PNPT1: variants seen among roughly 807,000 people sequenced by gnomAD.
PNPT1 encodes polyribonucleotide nucleotidyltransferase 1, mitochondrial.
Under a neutral mutation model 119.5 loss-of-function variants are expected in PNPT1, and 53 were observed. That is an observed-to-expected ratio of 0.44 (90% CI 0.36 to 0.56). PNPT1 has a LOEUF of 0.56. Among genes scored for constraint, PNPT1 ranks in the 20% least tolerant of loss-of-function variants. The pLI is 0.00. For missense variants in PNPT1, 948 were observed against 938.5 expected, an observed-to-expected ratio of 1.01 and a Z score of -0.13; for synonymous variants, 357 against 322.1, an observed-to-expected ratio of 1.11 and a Z score of -1.16.
At chr2:55,654,757 G>C (rs971563107) in intron 18 of PNPT1, 143 bp downstream of exon 18, 1 of 623,964 alleles carries the variant, frequency 1.6e-6, no homozygotes, top group African/African-American at 1.8e-5. Flanking sequence ...AATCTTTTTT[G>C]TAGAGATGAG....
intron 8 of PNPT1, among the ~76,000 whole-genome samples, chr2:55,673,381 T>C (rs1172628405): frequency 2.0e-5 from 3 of 151,758 alleles, no homozygotes; most frequent in Non-Finnish European, 4.4e-5. Flanking sequence ...AAATAAGTTT[T>C]ATTGAGCTAT....
At chr2:55,660,297 T>G (rs1159418990) in intron 14 of PNPT1, 104 bp from the exon 15 acceptor site, 7 of 1,212,880 alleles carry the variant, frequency 5.8e-6, no homozygotes, top group Non-Finnish European at 7.8e-6. Flanking sequence ...AAGAACTAGG[T>G]GTTAATGAAA....
intron 26 of PNPT1, among the ~76,000 whole-genome samples, chr2:55,639,469 A>T (rs1001880087): frequency 6.6e-6 from 1 of 152,214 alleles, no homozygotes; most frequent in Non-Finnish European, 1.5e-5. Flanking sequence ...TCTCTTATAC[A>T]CACTGAGAAT....
intron 8 of PNPT1, 43 bp downstream of exon 8, chr2:55,679,637 TTG>T (rs1559109069): frequency 7.3e-7 from 1 of 1,361,830 alleles, no homozygotes; most frequent in Non-Finnish European, 1.0e-6. Context: ...AAGCCAGAAC[TTG>T]TAAGTAAAAT....
rs186969526 is a variant in PNPT1, at chr2:55,652,148, T to C, written c.1495+2752A>G. 6.6e-5 allele frequency among the ~76,000 whole-genome samples: 10 copies of C among 152,032 alleles called. No homozygotes were observed. The East Asian group carries it at 1.5e-3, about 24-fold the overall frequency. ...CAACAATCACCCTTACACATATTTG[T>C]ATTATTACCTCTTCAATCTATTAGT... is the stretch of plus-strand genomic sequence containing the variant. On this transcript the variant is annotated intron_variant, in intron 18 of 27. Coordinates refer to ENST00000447944, the MANE Select transcript of PNPT1 (RefSeq NM_033109.5).
At chr2:55,669,394 G>A (rs1696836160) in intron 11 of PNPT1, among the ~76,000 whole-genome samples, 1 of 152,076 alleles carries the variant, frequency 6.6e-6, no homozygotes, top group Non-Finnish European at 1.5e-5. Context: ...CATGTGTATG[G>A]TTTATTAAAC....
At chr2:55,679,586 T>TA in intron 8 of PNPT1, 96 bp downstream of exon 8, 1 of 843,928 alleles carries the variant, frequency 1.2e-6, no homozygotes, top group South Asian at 1.7e-5. Flanking sequence ...TTTTTATGGC[T>TA]ACCGACAAAA....
At chr2:55,659,592 G>A (rs1696498399) in intron 15 of PNPT1, among the ~76,000 whole-genome samples, 1 of 151,826 alleles carries the variant, frequency 6.6e-6, no homozygotes, top group East Asian at 1.9e-4. Flanking sequence ...AGAACAGGAA[G>A]TTGTTGATTA....
chr2:55,684,742 G>C (rs1559112329), intron 4 of PNPT1, among the ~76,000 whole-genome samples: 1 of 152,198 alleles, frequency 6.6e-6, no homozygotes, highest in Non-Finnish European at 1.5e-5. Flanking sequence ...ACAGGTACTA[G>C]GGATTCAACC....
At chr2:55,647,536 T>C in intron 18 of PNPT1, 83 bp from the exon 19 acceptor site, 2 of 1,013,290 alleles carry the variant, frequency 2.0e-6, no homozygotes, top group Non-Finnish European at 2.9e-6. Context: ...TTTTTTTTTT[T>C]TGAGAGGGAG....
chr2:55,682,392 C>T lies in PNPT1; in HGVS notation c.453+1393G>A, dbSNP rs1572832724. The stretch of plus-strand genomic sequence containing the variant: ...GGGAGAATGGTTTGAACCTGGGAGG[C>T]AGAGATTGCAGTGAGCCGAGATTGC... On this transcript the variant is annotated intron_variant, in intron 5 of 27. Coordinates refer to ENST00000447944, the MANE Select transcript of PNPT1 (RefSeq NM_033109.5). 2.0e-5 allele frequency among the ~76,000 whole-genome samples: 3 copies of T among 151,712 alleles called. No homozygotes were observed. The East Asian group carries it at 5.8e-4, about 30-fold the overall frequency.
chr2:55,642,722 T>TA (rs1695873512), intron 25 of PNPT1, among the ~76,000 whole-genome samples: 1 of 151,936 alleles, frequency 6.6e-6, no homozygotes. Context: ...TACTATACCT[T>TA]AAAAAATAAT....
At position 55,680,936 on chromosome 2, in the gene PNPT1, A is replaced by T; in HGVS notation, c.454-18T>A. 1 of 1,608,160 alleles carries T rather than the reference A, an allele frequency of 6.2e-7. No homozygotes were observed. Among genetic ancestry groups the T allele is most frequent in the Non-Finnish European group, 8.5e-7 (1 of 1,175,904 alleles). ...CACAGAACCTGGTAAAAGGGAAAAA[A>T]TTTGATTTGGAAGGGTTATCATTTA... On this transcript the variant is annotated intron_variant, in intron 5 of 27. Coordinates refer to ENST00000447944, the MANE Select transcript of PNPT1 (RefSeq NM_033109.5).
intron 1 of PNPT1, among the ~76,000 whole-genome samples, chr2:55,689,465 T>C (rs1263215754): frequency 1.3e-5 from 2 of 152,194 alleles, no homozygotes; most frequent in African/African-American, 4.8e-5. Context: ...CAAATGTCCA[T>C]CAACTGATGA....
At chr2:55,693,546 G>C in intron 1 of PNPT1, 117 bp downstream of exon 1, 1 of 1,430,698 alleles carries the variant, frequency 7.0e-7, no homozygotes. Context: ...TAGGTTTAGG[G>C]TAAGGAGAGA....
Position 55,672,035 on chromosome 2 carries a change from T to C in PNPT1, c.878A>G (p.Glu293Gly). The C allele has an allele frequency of 6.3e-7, 1 of 1,598,738 alleles. No homozygotes were observed. Among genetic ancestry groups the C allele is most frequent in the Non-Finnish European group, 8.5e-7 (1 of 1,173,168 alleles). ...ATCTGTAAAAACTGCATAGAGTCTC[T>C]CCATAGCAAGTCTATTTAAGCAGAA... is the stretch of plus-strand genomic sequence containing the variant. ...IVKYTHKLAMERLYAVFTDYE... is the reference protein window; with the variant it reads ...IVKYTHKLAMGRLYAVFTDYE... The change falls in exon 10 of 28, where the codon GAG (glutamate) becomes GGG (glycine). Residue 293 changes from glutamate to glycine, a missense_variant. Glu to Gly is a moderately conservative substitution (Grantham distance 98). Coordinates refer to ENST00000447944, the MANE Select transcript of PNPT1 (RefSeq NM_033109.5).
chr2:55,647,451 C>T lies in PNPT1; in HGVS notation c.1498G>A (p.Val500Ile). Residue 500 changes from valine to isoleucine, a missense_variant and splice_region_variant, in exon 19 of 28, where the codon GTT becomes ATT. Val to Ile is a conservative substitution (Grantham distance 29). Coordinates refer to ENST00000447944, the MANE Select transcript of PNPT1 (RefSeq NM_033109.5). ...GGSLALMDSG[V>I]PISSAVAGVA... ...CCTGCAACAGCAGATGAAATTGGAA[C>T]CCCTATAATTGGGAAAAAGAACAAC... 3.1e-6 allele frequency: 5 copies of T among 1,605,036 alleles called. No individual in the cohort carries two copies. Among genetic ancestry groups the T allele is most frequent in the Non-Finnish European group, 4.3e-6 (5 of 1,174,864 alleles).
Position 55,663,175 on chromosome 2 carries a change from C to T in PNPT1, c.1177-1149G>A, listed in dbSNP as rs181974211. On this transcript the variant is annotated intron_variant, in intron 13 of 27. Transcript: ENST00000447944. ...CTGGGATTACAGGCGTGAGCCACCA[C>T]GCCCGGCGACAAAAGATTTTTAACA... 6.0e-3 allele frequency among the ~76,000 whole-genome samples: 914 copies of T among 152,254 alleles called. 4 individuals carry two copies. The highest frequency in any genetic ancestry group is 0.01 in the Non-Finnish European group (681 of 68,042).
At position 55,686,431 on chromosome 2, in the gene PNPT1, G is replaced by A. The variant is rs748785356; in HGVS notation, c.236C>T (p.Ala79Val). The A allele has an allele frequency of 6.2e-7, 1 of 1,613,602 alleles. No homozygotes were observed. Among genetic ancestry groups the A allele is most frequent in the Non-Finnish European group, 8.5e-7 (1 of 1,179,682 alleles). The change falls in exon 3 of 28, where the codon GCA becomes GTA. Residue 79 changes from alanine (A) to valine (V), a missense_variant. Ala to Val is a moderately conservative substitution (Grantham distance 64, BLOSUM62 0). Coordinates refer to ENST00000447944, the MANE Select transcript of PNPT1 (RefSeq NM_033109.5). ...TTTACTGACCGCTGTGACCATTACT[G>A]CAGTGTCACCTGACTTAAACATAAA... ...GSAVVQSGDTAVMVTAVSKTK... is the reference protein window; with the variant it reads ...GSAVVQSGDTVVMVTAVSKTK...
Sources: gnomAD v4.1 joint callset for allele counts (sites outside exome capture counted in the v4.1 genomes callset) on GRCh38, gnomAD v4.1.1 for gene constraint, MANE v1.5 for transcripts, NCBI Gene and HGNC (gene_info 2026-07-23, HGNC 2026-07-21) for gene names.